Variants in B3GALT1 observed in about 807,000 individuals in gnomAD.
B3GALT1 encodes the protein UDP-Gal:betaGlcNAc beta 1,3-galactosyltransferase, polypeptide 1.
Under a neutral mutation model 23.2 loss-of-function variants are expected in B3GALT1, and 10 were observed. The ratio of observed to expected loss-of-function variants is 0.43; its 90% CI spans 0.27 to 0.73. The LOEUF (loss-of-function observed/expected upper bound fraction) is 0.73. B3GALT1 is among the 30% of genes least tolerant of loss of function. The pLI, the probability that B3GALT1 is intolerant of heterozygous loss-of-function variation, is 0.21. For synonymous variants in B3GALT1, 156 were observed against 141.5 expected (o/e 1.10, Z -0.73); for missense variants, 299 against 405.4 (o/e 0.74, Z 2.25).
intron 4 of B3GALT1, among the ~76,000 whole-genome samples, chr2:167,828,415 T>C (rs955043587): frequency 1.3e-5 from 2 of 152,230 alleles, no homozygotes; most frequent in Non-Finnish European, 2.9e-5. Context: ...TGTGGGAATG[T>C]GACATGGTCA....
intron 1 of B3GALT1, among the ~76,000 whole-genome samples, chr2:167,427,333 T>A (rs889005724): frequency 6.6e-6 from 1 of 152,130 alleles, no homozygotes; most frequent in Admixed American, 6.5e-5. Flanking sequence ...TTTAGCTTTT[T>A]TGTGTGTGTG....
chr2:167,699,380 ATTTTTTTTTT>A (rs1169813738), intron 3 of B3GALT1, among the ~76,000 whole-genome samples: 2 of 100,192 alleles, frequency 2.0e-5, no homozygotes, highest in South Asian at 3.4e-4. Flanking sequence ...CATTATTTCT[ATTTTTTTTTT>A]TTTTTTTTTT....
chr2:167,337,693 G>A (rs116475328), intron 1 of B3GALT1, among the ~76,000 whole-genome samples: 1,526 of 152,100 alleles, frequency 0.01, 8 homozygotes, highest in Non-Finnish European at 0.017. Context: ...TGCTGCACAG[G>A]ATATCTGCAT....
Position 167,870,240 on chromosome 2 carries a change from C to T in B3GALT1, c.*220C>T. The T allele has an allele frequency of 2.2e-6, 1 of 458,022 alleles. No individual in the cohort carries two copies. Among genetic ancestry groups the T allele is most frequent in the Non-Finnish European group, 4.0e-6 (1 of 252,288 alleles). 28.4% of individuals were successfully genotyped at this position (458,022 alleles called of 1,614,324 possible). On this transcript the variant is annotated 3_prime_UTR_variant, in exon 5 of 5. Transcript: ENST00000392690. Reference sequence around the variant, plus strand: ...AGAAGGGCCAGATTTCATTCTCAGTCCCAGAGCATTGCTATTTATCTCAAA... The same window carrying T: ...AGAAGGGCCAGATTTCATTCTCAGTTCCAGAGCATTGCTATTTATCTCAAA...
At chr2:167,361,764 A>C (rs2617395) in intron 1 of B3GALT1, among the ~76,000 whole-genome samples, 122,955 of 152,032 alleles carry the variant, frequency 0.81, 51,500 homozygotes, top group East Asian at 0.92. Context: ...TCTTTGTAAA[A>C]CCTTCTTTGT....
intron 4 of B3GALT1, among the ~76,000 whole-genome samples, chr2:167,830,991 C>T (rs192217118): frequency 8.7e-4 from 132 of 152,186 alleles, no homozygotes; most frequent in South Asian, 6.2e-4. Context: ...TGGATTCTGG[C>T]GATAATCATA....
At chr2:167,843,808 C>A (rs1301380794) in intron 4 of B3GALT1, among the ~76,000 whole-genome samples, 1 of 152,120 alleles carries the variant, frequency 6.6e-6, no homozygotes, top group Non-Finnish European at 1.5e-5. Flanking sequence ...GAATGATGAG[C>A]CAGGTTGGGA....
chr2:167,525,381 CA>C (rs1558892858), intron 2 of B3GALT1, among the ~76,000 whole-genome samples: 1 of 151,900 alleles, frequency 6.6e-6, no homozygotes, highest in East Asian at 1.9e-4. Context: ...GAACATTTCA[CA>C]TTTATTATTC....
At chr2:167,829,486 GAAAAAAAAAAAGAAAAGAAGAAGA>G (rs1689298174) in intron 4 of B3GALT1, among the ~76,000 whole-genome samples, 1 of 123,794 alleles carries the variant, frequency 8.1e-6, no homozygotes, top group South Asian at 2.5e-4. Context: ...CCATCTCAAG[GAAAAAAAAAAAGAAAAGAAGAAGA>G]AAGAAAAAAA....
At chr2:167,425,389 A>G (rs1698608344) in intron 1 of B3GALT1, among the ~76,000 whole-genome samples, 1 of 152,368 alleles carries the variant, frequency 6.6e-6, no homozygotes, top group Middle Eastern at 3.4e-3. Flanking sequence ...ATTCTGTACC[A>G]TGGAGTATTA....
intron 3 of B3GALT1, among the ~76,000 whole-genome samples, chr2:167,656,133 T>C (rs1442121014): frequency 6.6e-6 from 1 of 152,046 alleles, no homozygotes; most frequent in Non-Finnish European, 1.5e-5. Flanking sequence ...GAGGACAGAA[T>C]GTTGGGCTTT....
intron 2 of B3GALT1, among the ~76,000 whole-genome samples, chr2:167,506,015 G>A (rs770778894): frequency 1.6e-4 from 24 of 152,140 alleles, no homozygotes; most frequent in Admixed American, 2.0e-4. Context: ...AGCCAAGATC[G>A]TGCCACTGCA....
chr2:167,654,088 C>G lies in B3GALT1; in HGVS notation c.-352+7122C>G, dbSNP rs186841139. 2.2e-3 allele frequency among the ~76,000 whole-genome samples: 341 copies of G among 152,220 alleles called. 1 individual carries two copies. The highest frequency in any genetic ancestry group is 4.1e-3 in the Non-Finnish European group (279 of 68,010). On this transcript the variant is annotated intron_variant, in intron 3 of 4. Transcript: ENST00000392690. Reference sequence around the variant, plus strand: ...AGTGTGGCCTCTGGAGTCAGGTTGGCTGGTTGACATCCAGGCTTCAGCGCT... The same window carrying G: ...AGTGTGGCCTCTGGAGTCAGGTTGGGTGGTTGACATCCAGGCTTCAGCGCT...
chr2:167,380,576 A>G (rs1026427021), intron 1 of B3GALT1, among the ~76,000 whole-genome samples: 13 of 152,166 alleles, frequency 8.5e-5, no homozygotes, highest in Non-Finnish European at 1.9e-4. Context: ...CCAGGTTGCC[A>G]AGGAATGGCT....
At chr2:167,553,589 T>C (rs920035775) in intron 2 of B3GALT1, among the ~76,000 whole-genome samples, 2 of 152,178 alleles carry the variant, frequency 1.3e-5, no homozygotes, top group African/African-American at 4.8e-5. Context: ...TATTATACAA[T>C]CCAAGACCAC....
rs60456835 is a variant in B3GALT1 at position 167,595,771 on chromosome 2, A to G, written c.-409-51138A>G. On this transcript the variant is annotated intron_variant, in intron 2 of 4. Coordinates refer to ENST00000392690, the MANE Select transcript of B3GALT1 (RefSeq NM_020981.4). Reference sequence around the variant, plus strand: ...AAAATATGGGCTTTTATACTTTGATAAAATGAAAATGAAAGTTGTTTCTCT... The same window carrying G: ...AAAATATGGGCTTTTATACTTTGATGAAATGAAAATGAAAGTTGTTTCTCT... Among the ~76,000 whole-genome samples the G allele has an allele frequency of 4.3e-3, 658 of 152,358 alleles. 2 individuals are homozygous for G. The highest frequency in any genetic ancestry group is 0.015 in the African/African-American group (618 of 41,584).
At chr2:167,837,766 C>A (rs1414133344) in intron 4 of B3GALT1, among the ~76,000 whole-genome samples, 1 of 148,778 alleles carries the variant, frequency 6.7e-6, no homozygotes, top group Non-Finnish European at 1.5e-5. Context: ...AAATTGACCA[C>A]ATAGTTGGAA....
chr2:167,512,637 C>CATAT (rs748345888), intron 2 of B3GALT1, among the ~76,000 whole-genome samples: 1 of 64,938 alleles, frequency 1.5e-5, no homozygotes. Context: ...TATATATATA[C>CATAT]ATATATATAT....
At chr2:167,584,354 G>GA (rs913501251) in intron 2 of B3GALT1, among the ~76,000 whole-genome samples, 5 of 152,066 alleles carry the variant, frequency 3.3e-5, no homozygotes, top group Admixed American at 2.0e-4. Context: ...TTTCTATGGG[G>GA]AAAAAACTCA....
Sources: allele counts gnomAD v4.1 joint callset (sites outside exome capture counted in the v4.1 genomes callset), GRCh38; gene constraint gnomAD v4.1.1; transcripts MANE v1.5; gene names NCBI Gene and HGNC (gene_info 2026-07-23, HGNC 2026-07-21).